Variants in ITCH observed in about 807,000 individuals in gnomAD.
ITCH encodes the protein E3 ubiquitin-protein ligase Itchy homolog.
In ITCH, 28 loss-of-function variants were observed where a neutral mutation model predicts 126.8. The ratio of observed to expected loss-of-function variants is 0.22; its 90% CI spans 0.16 to 0.30. ITCH has a LOEUF of 0.30. Ranked by LOEUF, ITCH falls within the 10% of genes least tolerant of loss-of-function variation. The probability of loss-of-function intolerance (pLI) is 1.00; values close to 1 mark genes in which losing one functional copy is unlikely to be tolerated. For missense variants in ITCH, 631 were observed against 1,032.4 expected (o/e 0.61, Z 5.33); for synonymous variants, 342 against 340.0 (o/e 1.01, Z -0.06).
rs1222746545 is a variant in ITCH, at chr20:34,510,230, A to G, written c.*2436A>G. On this transcript the variant is annotated 3_prime_UTR_variant, in exon 25 of 25. Coordinates refer to ENST00000374864, the MANE Select transcript of ITCH (RefSeq NM_031483.7). ...GCTGTGTTAGGAAAATGGGGGCTGG[A>G]TATCCCAAGAATCAGAGGTTATATA... 6.6e-6 allele frequency: 1 copy of G among 152,608 alleles called. No individual in the cohort carries two copies. Among genetic ancestry groups the G allele is most frequent in the East Asian group, 1.9e-4 (1 of 5,198 alleles). 9.5% of individuals were successfully genotyped at this position (152,608 alleles called of 1,614,324 possible).
intron 3 of ITCH, among the ~76,000 whole-genome samples, chr20:34,394,845 G>A (rs141992511): frequency 2.4e-4 from 37 of 152,190 alleles, no homozygotes; most frequent in East Asian, 3.9e-4. Context: ...CAGAGGGCTC[G>A]AAGAATGTAC....
intron 7 of ITCH, among the ~76,000 whole-genome samples, chr20:34,433,298 C>T (rs1457403207): frequency 6.6e-6 from 1 of 152,190 alleles, no homozygotes; most frequent in Non-Finnish European, 1.5e-5. Context: ...CTCAAAAAAA[C>T]AAACAAACAA....
chr20:34,425,338 A>C (rs908542332), intron 7 of ITCH, among the ~76,000 whole-genome samples: 1 of 152,180 alleles, frequency 6.6e-6, no homozygotes, highest in Non-Finnish European at 1.5e-5. Context: ...GGTATTGTCC[A>C]AGGTTTCCCC....
At chr20:34,479,889 TTTTTG>T in intron 18 of ITCH, 100 bp downstream of exon 18, 1 of 1,126,844 alleles carries the variant, frequency 8.9e-7, no homozygotes, top group East Asian at 2.4e-5. Flanking sequence ...GGGAAGTGGT[TTTTTG>T]TTTTGTTTTG....
chr20:34,424,371 A>T (rs939098963), intron 6 of ITCH, 109 bp from the exon 7 acceptor site: 2 of 835,136 alleles, frequency 2.4e-6, no homozygotes, highest in South Asian at 2.8e-5. Context: ...TATGTTCTTT[A>T]TTACAAAGAT....
At position 34,408,776 on chromosome 20, in the gene ITCH, A is replaced by G. The variant is rs759144696; in HGVS notation, c.196A>G (p.Lys66Glu). The change falls in exon 4 of 25, where the codon AAG becomes GAG. Residue 66 changes from lysine (K) to glutamate (E), a missense_variant. Physicochemically the swap from Lys to Glu is moderately conservative, Grantham distance 56. Around this residue, in one of 4 missense-constraint regions of ITCH, gnomAD observed 220 missense variants for 265.7 expected, o/e 0.83. Transcript: ENST00000374864. ...CAACAACACAAACAGTCCCAAGTGG[A>G]AGCAACCCCTTACAGTGTAAGCTTG... ...KCNNTNSPKW[K>E]QPLTVIVTPV... 1 of 1,614,108 alleles carries G rather than the reference A, an allele frequency of 6.2e-7. No homozygotes were observed. The highest frequency in any genetic ancestry group is 1.1e-5 in the South Asian group (1 of 91,076).
At chr20:34,372,495 C>T (rs1370678181) in intron 2 of ITCH, among the ~76,000 whole-genome samples, 1 of 145,378 alleles carries the variant, frequency 6.9e-6, no homozygotes, top group Non-Finnish European at 1.5e-5. Flanking sequence ...ATTCTCCTGC[C>T]TCAGCCTCCT....
chr20:34,479,564 A>C, intron 17 of ITCH, 66 bp from the exon 18 acceptor site: 1 of 1,349,634 alleles, frequency 7.4e-7, no homozygotes, highest in Non-Finnish European at 1.1e-6. Context: ...AGAACTTTAT[A>C]GCACTGTTCT....
chr20:34,449,040 A>G (rs187748880), intron 11 of ITCH, among the ~76,000 whole-genome samples: 42 of 152,180 alleles, frequency 2.8e-4, no homozygotes, highest in Middle Eastern at 3.4e-3. Flanking sequence ...AATATTTTTC[A>G]TAGTCATATG....
chr20:34,486,587 A>G (rs1443195870), intron 20 of ITCH, among the ~76,000 whole-genome samples: 1 of 152,070 alleles, frequency 6.6e-6, no homozygotes, highest in Admixed American at 6.5e-5. Flanking sequence ...CAGCGTCCCA[A>G]AGTGCCTGGA....
intron 16 of ITCH, chr20:34,475,897 C>T: frequency 9.5e-7 from 1 of 1,047,144 alleles, no homozygotes; most frequent in Non-Finnish European, 1.5e-6. Context: ...GGTAAAATTC[C>T]ATGAAAATAT....
chr20:34,414,463 T>C (rs1979527633), intron 6 of ITCH, among the ~76,000 whole-genome samples: 1 of 146,974 alleles, frequency 6.8e-6, no homozygotes, highest in South Asian at 2.2e-4. Flanking sequence ...AATCCTTTTT[T>C]TTTTTTTTTT....
At chr20:34,455,018 C>T (rs1008959728) in intron 12 of ITCH, among the ~76,000 whole-genome samples, 4 of 151,746 alleles carry the variant, frequency 2.6e-5, no homozygotes, top group Non-Finnish European at 5.9e-5. Flanking sequence ...TTAGTAGAGA[C>T]GGGGTTTCGA....
intron 3 of ITCH, chr20:34,402,314 T>TAA (rs2038915397): frequency 8.9e-7 from 1 of 1,125,510 alleles, no homozygotes; most frequent in South Asian, 1.2e-5. Context: ...TCTGGAGTGA[T>TAA]AGGCTTCTGT....
intron 14 of ITCH, among the ~76,000 whole-genome samples, chr20:34,463,648 G>T: frequency 6.7e-6 from 1 of 149,504 alleles, no homozygotes. Context: ...TTTTTAAATA[G>T]TCATCCTTAA....
chr20:34,442,597 C>T (rs1340033226), intron 10 of ITCH, among the ~76,000 whole-genome samples: 1 of 152,064 alleles, frequency 6.6e-6, no homozygotes, highest in East Asian at 1.9e-4. Context: ...AAGCCATCCT[C>T]CCGCGTTGGC....
chr20:34,488,027 C>T lies in ITCH; in HGVS notation c.2094-1239C>T, dbSNP rs371733207. Among the ~76,000 whole-genome samples, 7 of 152,162 alleles carry T rather than the reference C, an allele frequency of 4.6e-5. No individual in the cohort carries two copies. In the East Asian group the frequency reaches 7.7e-4, roughly 17 times the overall value. ...GTGTTGTTGTCATATATTATTTCTA[C>T]GTGTCACAAATATAATACTTTGTTA... On this transcript the variant is annotated intron_variant, in intron 20 of 24. Transcript: ENST00000374864.
At chr20:34,496,803 CAAAAAAAAAA>C (rs60619641) in intron 23 of ITCH, among the ~76,000 whole-genome samples, 4 of 99,414 alleles carry the variant, frequency 4.0e-5, no homozygotes, top group Non-Finnish European at 8.2e-5. Flanking sequence ...CACTCCATCT[CAAAAAAAAAA>C]AAAAAAAAGA....
chr20:34,497,370 T>G lies in ITCH; in HGVS notation c.2416+4773T>G, dbSNP rs115511204. Among the ~76,000 whole-genome samples, 687 of 152,306 alleles carry G rather than the reference T, an allele frequency of 4.5e-3. 5 individuals are homozygous for G. The highest frequency in any genetic ancestry group is 0.016 in the African/African-American group (651 of 41,552). The stretch of plus-strand genomic sequence containing the variant: ...GGGTTTGTTTCTGGGTTCTCTCTTC[T>G]GTTCCACTGGTCTATGTGTCTGCTA... On this transcript the variant is annotated intron_variant, in intron 23 of 24. Transcript: ENST00000374864.
Sources: gnomAD v4.1 joint callset for allele counts (sites outside exome capture counted in the v4.1 genomes callset) on GRCh38, gnomAD v4.1.1 for gene constraint, gnomAD v4.1.1 regional missense constraint, MANE v1.5 for transcripts, NCBI Gene and HGNC (gene_info 2026-07-23, HGNC 2026-07-21) for gene names.